Variants in ADRA1D observed in about 807,000 individuals in gnomAD.
ADRA1D encodes the protein adrenoceptor alpha 1D.
Under a neutral mutation model 18.6 loss-of-function variants are expected in ADRA1D, and 22 were observed. The observed-to-expected ratio is 1.19, with a 90% CI of 0.85 to 1.69. ADRA1D has a LOEUF of 1.69. ADRA1D is among the 40% of genes most tolerant of loss of function. The pLI is 0.00. For synonymous variants in ADRA1D, 376 were observed against 388.2 expected, an observed-to-expected ratio of 0.97 and a Z score of 0.37; for missense variants, 840 against 840.7, an observed-to-expected ratio of 1.00 and a Z score of 0.01.
intron 1 of ADRA1D, among the ~76,000 whole-genome samples, chr20:4,235,341 C>T (rs1555821462): frequency 2.0e-5 from 3 of 152,196 alleles, no homozygotes; most frequent in Non-Finnish European, 4.4e-5. Flanking sequence ...AGGCCTGTCC[C>T]GCATCCTCTT....
intron 1 of ADRA1D, among the ~76,000 whole-genome samples, chr20:4,233,065 G>C (rs986813267): frequency 4.6e-5 from 7 of 152,118 alleles, no homozygotes; most frequent in African/African-American, 1.7e-4. Flanking sequence ...TACTTGGGAG[G>C]CTGAGGCGAG....
chr20:4,247,400 T>C (rs548990251), intron 1 of ADRA1D, among the ~76,000 whole-genome samples: 1 of 152,272 alleles, frequency 6.6e-6, no homozygotes, highest in Non-Finnish European at 1.5e-5. Context: ...GGGTGGCTTC[T>C]GGCATCTGCT....
rs1981163312 is a variant in ADRA1D, at chr20:4,239,343, A to C, written c.1111+8504T>G. ...GAGCTGGGCAGAGGACAAGATCTTCAGGGGAGGGGAAGGAGGAATATATGT... is the reference window on the plus strand; with the variant it reads ...GAGCTGGGCAGAGGACAAGATCTTCCGGGGAGGGGAAGGAGGAATATATGT... On this transcript the variant is annotated intron_variant, in intron 1 of 1. Transcript: ENST00000379453. This position sits in a 1 kb window ranked among gnomAD's most constrained non-coding sequence, Gnocchi z 4.9. 6.6e-6 allele frequency among the ~76,000 whole-genome samples: 1 copy of C among 152,180 alleles called. No individual in the cohort carries two copies. The highest frequency in any genetic ancestry group is 1.5e-5 in the Non-Finnish European group (1 of 68,030).
chr20:4,221,674 G>C lies in ADRA1D; in HGVS notation c.1568C>G (p.Ala523Gly). ...KVSSLSHKIR[A>G]GGAQRAEAAC... ...TGCCTCTGCGCGCTGCGCGCCCCCG[G>C]CGCGGATCTTGTGCGACAGGCTGGA... The change falls in exon 2 of 2, where the codon GCC (alanine) becomes GGC (glycine). Residue 523 changes from alanine (A) to glycine (G), a missense_variant. By Grantham distance (60) the Ala-to-Gly change is moderately conservative. Transcript: ENST00000379453. The C allele has an allele frequency of 6.2e-7, 1 of 1,612,608 alleles. No homozygotes were observed. Among genetic ancestry groups the C allele is most frequent in the Non-Finnish European group, 8.5e-7 (1 of 1,179,610 alleles).
rs925125426 is a variant in ADRA1D at position 4,220,636 on chromosome 20, T to C, written c.*887A>G. ...GTTAAGTTGAAACTAGAAAGGCAAA[T>C]GTAGACCCAATCTATTCTGTTGCGG... On this transcript the variant is annotated 3_prime_UTR_variant, in exon 2 of 2. Coordinates refer to ENST00000379453, the MANE Select transcript of ADRA1D (RefSeq NM_000678.4). 119 of 152,554 alleles carry C rather than the reference T, an allele frequency of 7.8e-4. 1 individual carries two copies. The highest frequency in any genetic ancestry group is 2.7e-3 in the African/African-American group (112 of 41,484). The allele number at this position is 152,554 out of a possible 1,614,324, so 9.5% of individuals were successfully genotyped here.
chr20:4,225,078 T>C (rs2122655687), intron 1 of ADRA1D, among the ~76,000 whole-genome samples: 1 of 148,752 alleles, frequency 6.7e-6, no homozygotes, highest in East Asian at 2.1e-4. Flanking sequence ...CTCGGCTCAC[T>C]GCAACCTCTT....
intron 1 of ADRA1D, among the ~76,000 whole-genome samples, chr20:4,233,771 A>T (rs1197716450): frequency 6.6e-6 from 1 of 152,004 alleles, no homozygotes; most frequent in African/African-American, 2.4e-5. Context: ...ATTTCTCCCC[A>T]TTCAACAGGA....
intron 1 of ADRA1D, among the ~76,000 whole-genome samples, chr20:4,236,867 G>A (rs965761296): frequency 3.9e-5 from 6 of 152,218 alleles, no homozygotes; most frequent in African/African-American, 1.2e-4. Context: ...AAGGTGGAAG[G>A]GGCCGGGGAG....
At chr20:4,228,551 T>C (rs1980874975) in intron 1 of ADRA1D, among the ~76,000 whole-genome samples, 1 of 152,228 alleles carries the variant, frequency 6.6e-6, no homozygotes, top group African/African-American at 2.4e-5. Context: ...TAGCCTTAAA[T>C]GGTGAAATAG....
In ADRA1D at chr20:4,239,507, G is replaced by T. The variant is rs1207748521; in HGVS notation, c.1111+8340C>A. Among the ~76,000 whole-genome samples, 1 of 152,206 alleles carries T rather than the reference G, an allele frequency of 6.6e-6. No individual in the cohort carries two copies. Among genetic ancestry groups the T allele is most frequent in the East Asian group, 1.9e-4 (1 of 5,202 alleles). On this transcript the variant is annotated intron_variant, in intron 1 of 1. Transcript: ENST00000379453. This position sits in a 1 kb window ranked among gnomAD's most constrained non-coding sequence, Gnocchi z 4.9. Reference sequence around the variant, plus strand: ...TCATCTTCCATTGAAACAGACTAGGGCTCTTTAGGGAAATGGCTAATTCCA... The same window carrying T: ...TCATCTTCCATTGAAACAGACTAGGTCTCTTTAGGGAAATGGCTAATTCCA...
rs7508786 is a variant in ADRA1D at position 4,221,266 on chromosome 20, C to T, written c.*257G>A. The T allele has an allele frequency of 8.9e-3, 3,671 of 414,092 alleles. 91 individuals carry two copies. The highest frequency in any genetic ancestry group is 0.064 in the African/African-American group (3,125 of 48,470). The allele number at this position is 414,092 out of a possible 1,614,324, so 25.7% of individuals were successfully genotyped here. A position where few individuals can be genotyped will look rare whatever the true frequency, so the allele number is the denominator to read the frequency against. On this transcript the variant is annotated 3_prime_UTR_variant, in exon 2 of 2. Transcript: ENST00000379453. ...TCAAATAGGGATTGGGAGCAAAAGG[C>T]CCCACGGAGCCCGCAGCCTCTCCCT...
At chr20:4,234,058 G>A (rs915136467) in intron 1 of ADRA1D, among the ~76,000 whole-genome samples, 4 of 152,212 alleles carry the variant, frequency 2.6e-5, no homozygotes, top group South Asian at 2.1e-4. Context: ...GGCCTCTCCT[G>A]TGTCAGCAAG....
In ADRA1D at chr20:4,249,088, T is replaced by A; in HGVS notation, c.-131A>T. On this transcript the variant is annotated 5_prime_UTR_variant, in exon 1 of 2. Coordinates refer to ENST00000379453, the MANE Select transcript of ADRA1D (RefSeq NM_000678.4). Reference sequence around the variant, plus strand: ...GGGTCCCGTCGGGGTCCTGCCCAAGTTCCTGTGACGCGGAGCGCGGCTGTC... The same window carrying A: ...GGGTCCCGTCGGGGTCCTGCCCAAGATCCTGTGACGCGGAGCGCGGCTGTC... 1.4e-6 allele frequency: 1 copy of A among 726,168 alleles called. No individual in the cohort carries two copies. Among genetic ancestry groups the A allele is most frequent in the Non-Finnish European group, 1.7e-6 (1 of 575,690 alleles). The allele number at this position is 726,168 out of a possible 1,614,324, so 45.0% of individuals were successfully genotyped here. A position where few individuals can be genotyped will look rare whatever the true frequency, so the allele number is the denominator to read the frequency against.
intron 1 of ADRA1D, among the ~76,000 whole-genome samples, chr20:4,238,028 A>C (rs1401459340): frequency 6.7e-6 from 1 of 149,908 alleles, no homozygotes; most frequent in East Asian, 2.0e-4. Context: ...CGGGCGGATC[A>C]CTTGAGGTCA....
At chr20:4,229,158 G>T (rs548089573) in intron 1 of ADRA1D, among the ~76,000 whole-genome samples, 1 of 152,246 alleles carries the variant, frequency 6.6e-6, no homozygotes, top group African/African-American at 2.4e-5. Flanking sequence ...TCCTGTCTTT[G>T]CATTCTCCTA....
chr20:4,248,747 C>A lies in ADRA1D; in HGVS notation c.211G>T (p.Glu71Ter). ...CCGCCCGCGCCCGCGCTCCCCGGCT[C>A]CCCCGCGGAGCTCCGGTTGTCCTCG... The part of the protein sequence containing the change: ...SGEDNRSSAG[E>*]PGSAGAGGDV... Residue 71 changes from glutamate to a stop codon, truncating the protein, a stop_gained, in exon 1 of 2, where the codon GAG becomes TAG. Transcript: ENST00000379453. LOFTEE classifies it high-confidence loss of function. The A allele has an allele frequency of 6.6e-7, 1 of 1,520,372 alleles. No individual in the cohort carries two copies. The highest frequency in any genetic ancestry group is 8.8e-7 in the Non-Finnish European group (1 of 1,133,500). 94.2% of individuals were successfully genotyped at this position (1,520,372 alleles called of 1,614,324 possible). A position where few individuals can be genotyped will look rare whatever the true frequency, so the allele number is the denominator to read the frequency against.
chr20:4,237,836 G>GTATT (rs148787510), intron 1 of ADRA1D, among the ~76,000 whole-genome samples: 36,580 of 144,506 alleles, frequency 0.25, 5,303 homozygotes, highest in Non-Finnish European at 0.31. Flanking sequence ...GCTAATTTTT[G>GTATT]TATTTATTTA....
chr20:4,247,696 T>A, intron 1 of ADRA1D, 151 bp downstream of exon 1: 1 of 848,752 alleles, frequency 1.2e-6, no homozygotes, highest in Non-Finnish European at 1.7e-6. Flanking sequence ...CTCCACAAAA[T>A]GGTGCATGCA....
At chr20:4,236,049 G>A (rs900592753) in intron 1 of ADRA1D, among the ~76,000 whole-genome samples, 3 of 152,224 alleles carry the variant, frequency 2.0e-5, no homozygotes, top group African/African-American at 7.2e-5. Context: ...TAGGGGCTGA[G>A]GGCTTCGGTG....
Sources: allele counts gnomAD v4.1 joint callset (sites outside exome capture counted in the v4.1 genomes callset), GRCh38; gene constraint gnomAD v4.1.1; non-coding constraint Gnocchi (gnomAD v3.1); transcripts MANE v1.5; gene names NCBI Gene and HGNC (gene_info 2026-07-23, HGNC 2026-07-21).